The following ADK variants were observed in gnomAD, a reference collection of about 807,000 sequenced individuals.
The protein encoded by ADK is N6,N6-dimethyladenosine kinase.
A neutral mutation model predicts 44.7 loss-of-function variants in ADK; 24 were observed. The ratio of observed to expected loss-of-function variants is 0.54; its 90% CI spans 0.39 to 0.76. The LOEUF (loss-of-function observed/expected upper bound fraction) is 0.76. Among genes scored for constraint, ADK ranks in the 30% least tolerant of loss-of-function variants. The pLI is 0.00. For missense variants in ADK, 321 were observed against 425.1 expected (o/e 0.76, Z 2.15); for synonymous variants, 128 against 142.6 (o/e 0.90, Z 0.73).
At chr10:74,391,216 C>T (rs935314147) in intron 4 of ADK, among the ~76,000 whole-genome samples, 6 of 151,934 alleles carry the variant, frequency 3.9e-5, no homozygotes, top group African/African-American at 1.5e-4. Flanking sequence ...TTTCTATGTG[C>T]TTATGTTACA....
intron 3 of ADK, among the ~76,000 whole-genome samples, chr10:74,252,931 T>G (rs879290466): frequency 3.3e-5 from 5 of 152,172 alleles, no homozygotes; most frequent in Admixed American, 3.3e-4. Flanking sequence ...GAAAATTGAG[T>G]AGAGGATACA....
chr10:74,687,880 T>G (rs1855849918), intron 10 of ADK, among the ~76,000 whole-genome samples: 1 of 152,242 alleles, frequency 6.6e-6, no homozygotes. Context: ...GCCTTCACTC[T>G]TTCTGGAACT....
intron 5 of ADK, among the ~76,000 whole-genome samples, chr10:74,395,148 C>T (rs890361483): frequency 1.3e-5 from 2 of 148,540 alleles, no homozygotes; most frequent in African/African-American, 5.3e-5. Flanking sequence ...AGAAATTTTG[C>T]ATTACTTATA....
chr10:74,663,251 AT>A (rs145450169), intron 9 of ADK, among the ~76,000 whole-genome samples: 48,968 of 111,422 alleles, frequency 0.44, 9,352 homozygotes, highest in Middle Eastern at 0.57. Context: ...AAAAAATAAT[AT>A]ATATATATAT....
At chr10:74,215,829 ATTTTTT>A (rs35870828) in intron 2 of ADK, among the ~76,000 whole-genome samples, 1 of 150,620 alleles carries the variant, frequency 6.6e-6, no homozygotes, top group African/African-American at 2.4e-5. Flanking sequence ...ATTTTTTTGT[ATTTTTT>A]TTAGTAGAGA....
At position 74,572,171 on chromosome 10, in the gene ADK, C is replaced by A. The variant is rs376051199; in HGVS notation, c.727-17111C>A. 5.8e-4 allele frequency among the ~76,000 whole-genome samples: 89 copies of A among 152,248 alleles called. No homozygotes were observed. In the East Asian group the frequency reaches 0.014, roughly 24 times the overall value. ...TGTTCCTTTCCATGTTTAGTGCTTC[C>A]TTCAGGAGCTCTTTTAGGGCAGGCC... On this transcript the variant is annotated intron_variant, in intron 7 of 10. Transcript: ENST00000539909.
intron 6 of ADK, among the ~76,000 whole-genome samples, chr10:74,408,082 C>T (rs1156360234): frequency 4.0e-5 from 6 of 151,502 alleles, no homozygotes; most frequent in South Asian, 2.1e-4. Flanking sequence ...TGGGTTTGAA[C>T]GATTCTCCTG....
chr10:74,217,694 C>T (rs947367800), intron 2 of ADK, among the ~76,000 whole-genome samples: 1 of 152,234 alleles, frequency 6.6e-6, no homozygotes, highest in Non-Finnish European at 1.5e-5. Context: ...AACGATCAGA[C>T]AGCAGCATTC....
intron 4 of ADK, among the ~76,000 whole-genome samples, chr10:74,334,247 G>C (rs1035038515): frequency 6.6e-4 from 100 of 152,290 alleles, no homozygotes; most frequent in African/African-American, 2.4e-3. Context: ...AAGACTGTAA[G>C]GTTCTGACTG....
At chr10:74,433,063 C>T (rs1158527526) in intron 6 of ADK, among the ~76,000 whole-genome samples, 1 of 152,156 alleles carries the variant, frequency 6.6e-6, no homozygotes, top group Non-Finnish European at 1.5e-5. Flanking sequence ...TGGCTCTATG[C>T]ATGCACACAC....
At chr10:74,327,797 A>T (rs1841072649) in intron 4 of ADK, among the ~76,000 whole-genome samples, 6 of 152,150 alleles carry the variant, frequency 3.9e-5, no homozygotes, top group Admixed American at 3.9e-4. Context: ...CTTTCCCTTT[A>T]GATTTATTGA....
chr10:74,254,703 G>A (rs1026051819), intron 3 of ADK, among the ~76,000 whole-genome samples: 2 of 152,104 alleles, frequency 1.3e-5, no homozygotes, highest in Non-Finnish European at 2.9e-5. Flanking sequence ...CAAGTTTGGA[G>A]CAAAGAGCTC....
chr10:74,249,173 T>G (rs10824130), intron 3 of ADK, among the ~76,000 whole-genome samples: 3 of 151,986 alleles, frequency 2.0e-5, no homozygotes, highest in Non-Finnish European at 4.4e-5. Flanking sequence ...AAAACATATT[T>G]CTTCTTAATT....
At chr10:74,411,058 C>G (rs1844158561) in intron 6 of ADK, among the ~76,000 whole-genome samples, 3 of 152,076 alleles carry the variant, frequency 2.0e-5, no homozygotes, top group Admixed American at 2.0e-4. Context: ...TCGATGATCA[C>G]CATATGACTT....
At chr10:74,276,865 T>C (rs1161332606) in intron 3 of ADK, among the ~76,000 whole-genome samples, 8 of 152,200 alleles carry the variant, frequency 5.3e-5, no homozygotes, top group Admixed American at 5.2e-4. Flanking sequence ...CTTTGATTTT[T>C]GTTCTTTTTC....
At chr10:74,527,708 C>G (rs1849111544) in intron 7 of ADK, 1 of 1,323,750 alleles carries the variant, frequency 7.6e-7, no homozygotes. Flanking sequence ...TCTGCATTGT[C>G]CACTGGACGT....
chr10:74,541,170 A>C (rs1469318099), intron 7 of ADK, among the ~76,000 whole-genome samples: 1 of 151,930 alleles, frequency 6.6e-6, no homozygotes, highest in Admixed American at 6.6e-5. Flanking sequence ...TCCTGCCACC[A>C]TGCCTGGCTA....
At chr10:74,267,776 GTGTGTGTGTGTGTGTGTC>G (rs1449489312) in intron 3 of ADK, among the ~76,000 whole-genome samples, 2 of 148,384 alleles carry the variant, frequency 1.3e-5, no homozygotes. Context: ...GTGTGTGTGT[GTGTGTGTGTGTGTGTGTC>G]TGTCTGTCTG....
intron 4 of ADK, among the ~76,000 whole-genome samples, chr10:74,320,449 G>A (rs1840769604): frequency 1.3e-5 from 2 of 151,990 alleles, no homozygotes; most frequent in Admixed American, 6.6e-5. Context: ...GAATCTTTTT[G>A]TGTTTATCAT....
Sources: gnomAD v4.1 joint callset for allele counts (sites outside exome capture counted in the v4.1 genomes callset) on GRCh38, gnomAD v4.1.1 for gene constraint, MANE v1.5 for transcripts, NCBI Gene and HGNC (gene_info 2026-07-23, HGNC 2026-07-21) for gene names.